Variants in ABCC8 observed in about 807,000 individuals in gnomAD.
The protein encoded by ABCC8 is ATP-binding cassette sub-family C member 8.
In ABCC8, 137 loss-of-function variants were observed where a neutral mutation model predicts 188.0. That is an observed-to-expected ratio of 0.73 (90% CI 0.63 to 0.84). The LOEUF (loss-of-function observed/expected upper bound fraction) is 0.84, where lower values mean the gene tolerates loss of function less well. ABCC8 is among the 40% of genes least tolerant of loss of function. The probability of loss-of-function intolerance (pLI) is 0.00; values close to 1 mark genes in which losing one functional copy is unlikely to be tolerated. For missense variants in ABCC8, 1,750 were observed against 2,072.7 expected, an observed-to-expected ratio of 0.84 and a Z score of 3.02; for synonymous variants, 797 against 846.5, an observed-to-expected ratio of 0.94 and a Z score of 1.01.
At position 17,435,341 on chromosome 11, in the gene ABCC8, G is replaced by A. The variant is rs76948244; in HGVS notation, c.1631-3097C>T. 0.016 allele frequency among the ~76,000 whole-genome samples: 2,438 copies of A among 152,220 alleles called. 204 individuals carry two copies. In the East Asian group the frequency reaches 0.26, roughly 16 times the overall value. ...CCACACAGCTGGCATTGTTTCCACT[G>A]TCTCAGGAAGAAGGAGCCAAAAGCT... On this transcript the variant is annotated intron_variant, in intron 10 of 38. Transcript: ENST00000389817.
chr11:17,392,596 G>T (rs76223722), downstream of ABCC8: 12,624 of 354,628 alleles, frequency 0.036, 1,275 homozygotes, highest in African/African-American at 0.22. Flanking sequence ...CACACAGCCA[G>T]AAGGCAGCCC....
At chr11:17,461,440 C>T (rs773577073) in intron 5 of ABCC8, 143 bp downstream of exon 5, 7 of 1,104,690 alleles carry the variant, frequency 6.3e-6, no homozygotes, top group Non-Finnish European at 8.0e-6. Context: ...CACTGTGTGA[C>T]TTAAGGCAAG....
chr11:17,415,182 G>C (rs1329943322), intron 18 of ABCC8, 122 bp downstream of exon 18: 3 of 1,396,840 alleles, frequency 2.1e-6, no homozygotes, highest in Non-Finnish European at 3.0e-6. Context: ...GCCCTCCCTG[G>C]CCTCCCCCAA....
intron 12 of ABCC8, chr11:17,428,993 T>G: frequency 2.4e-6 from 1 of 422,102 alleles, no homozygotes; most frequent in East Asian, 4.6e-5. Context: ...GGGTTAAGGT[T>G]AGTTAGGACT....
At chr11:17,430,478 T>A (rs111501007) in intron 12 of ABCC8, 14,317 of 380,934 alleles carry the variant, frequency 0.038, 592 homozygotes, top group African/African-American at 0.12. Context: ...TCATTCTTGG[T>A]GGCTCTGGAG....
rs1955687009 is a variant in ABCC8, at chr11:17,428,369, C to T, written c.1960G>A (p.Glu654Lys). 1 of 1,614,160 alleles carries T rather than the reference C, an allele frequency of 6.2e-7. No homozygotes were observed. The highest frequency in any genetic ancestry group is 8.5e-7 in the Non-Finnish European group (1 of 1,180,008). Residue 654 changes from glutamate (E) to lysine (K), a missense_variant, in exon 14 of 39, where the codon GAG (glutamate) becomes AAG (lysine). Glu to Lys is a moderately conservative substitution (Grantham distance 56). Coordinates refer to ENST00000389817, the MANE Select transcript of ABCC8 (RefSeq NM_000352.6). ...GGGCCGGTGAGGCCCCGACAATCCT[C>T]CCGGGCTGGACGCTTGCGGTTCACA... ...RVVNRKRPAR[E>K]DCRGLTGPLQ...
chr11:17,458,872 T>G (rs1321379003), intron 6 of ABCC8, among the ~76,000 whole-genome samples: 2 of 152,226 alleles, frequency 1.3e-5, no homozygotes, highest in East Asian at 3.8e-4. Context: ...CACTATCTTT[T>G]CCCACAATTC....
chr11:17,476,777 G>T lies in ABCC8; in HGVS notation c.-1C>A. 1 of 1,553,236 alleles carries T rather than the reference G, an allele frequency of 6.4e-7. No homozygotes were observed. Among genetic ancestry groups the T allele is most frequent in the Non-Finnish European group, 8.7e-7 (1 of 1,149,722 alleles). On this transcript the variant is annotated 5_prime_UTR_variant, in exon 1 of 39. Coordinates refer to ENST00000389817, the MANE Select transcript of ABCC8 (RefSeq NM_000352.6). ...CGCTGCCGCAGAAGGCCAGGGGCAT[G>T]GCGGCGCGGGCGCGGGCTGGGCTCG... is the stretch of plus-strand genomic sequence containing the variant.
At chr11:17,394,873 G>T (rs199655951) in intron 36 of ABCC8, among the ~76,000 whole-genome samples, 112 of 152,192 alleles carry the variant, frequency 7.4e-4, no homozygotes, top group Non-Finnish European at 1.3e-3. Context: ...GATGGGGCAG[G>T]GCAGGGCTGA....
At chr11:17,405,737 CAAAG>C in intron 26 of ABCC8, 174 bp from the exon 27 acceptor site, 2 of 821,902 alleles carry the variant, frequency 2.4e-6, no homozygotes, top group Non-Finnish European at 2.9e-6. Flanking sequence ...TGCAGCTGCC[CAAAG>C]GGGCGCTGGC....
chr11:17,463,338 T>G, intron 4 of ABCC8, 100 bp downstream of exon 4: 1 of 1,041,420 alleles, frequency 9.6e-7, no homozygotes, highest in Non-Finnish European at 1.4e-6. Flanking sequence ...TGATCCCTTC[T>G]CAGTTTGGCT....
chr11:17,404,012 G>T lies in ABCC8; in HGVS notation c.3557+500C>A, dbSNP rs1258395460. Among the ~76,000 whole-genome samples, 1 of 152,184 alleles carries T rather than the reference G, an allele frequency of 6.6e-6. No homozygotes were observed. Among genetic ancestry groups the T allele is most frequent in the African/African-American group, 2.4e-5 (1 of 41,424 alleles). The stretch of plus-strand genomic sequence containing the variant: ...TTTTGAGGAGGAAAGAGGCGTGCAT[G>T]GATCCAAAGCTCATGAGGGCAAATG... On this transcript the variant is annotated intron_variant, in intron 28 of 38. Coordinates refer to ENST00000389817, the MANE Select transcript of ABCC8 (RefSeq NM_000352.6). This position sits in a 1 kb window ranked among gnomAD's most constrained non-coding sequence, Gnocchi z 4.7.
At chr11:17,440,256 G>T (rs1383884528) in intron 10 of ABCC8, among the ~76,000 whole-genome samples, 1 of 152,132 alleles carries the variant, frequency 6.6e-6, no homozygotes, top group Non-Finnish European at 1.5e-5. Flanking sequence ...CCCGGCTATC[G>T]GGAGAAGCCC....
At position 17,397,063 on chromosome 11, in the gene ABCC8, G is replaced by A; in HGVS notation, c.3989-17C>T. The A allele has an allele frequency of 6.2e-7, 1 of 1,614,104 alleles. No homozygotes were observed. Among genetic ancestry groups the A allele is most frequent in the African/African-American group, 1.3e-5 (1 of 75,040 alleles). On this transcript the variant is annotated splice_polypyrimidine_tract_variant and intron_variant, in intron 32 of 38. Transcript: ENST00000389817. The stretch of plus-strand genomic sequence containing the variant: ...GCGATGGTGCTGGGGGCCGGGCTGG[G>A]CTCAGCCACCAGGCATGGGCCACAG...
chr11:17,470,552 C>G (rs1416030993), intron 2 of ABCC8, among the ~76,000 whole-genome samples: 1 of 152,196 alleles, frequency 6.6e-6, no homozygotes, highest in Non-Finnish European at 1.5e-5. Context: ...TAAGTCAGCA[C>G]TGGCGCCCTC....
chr11:17,431,766 A>G (rs1263923618), intron 11 of ABCC8, among the ~76,000 whole-genome samples: 1 of 152,266 alleles, frequency 6.6e-6, no homozygotes, highest in Non-Finnish European at 1.5e-5. Context: ...CATGCATAGC[A>G]CATTCCTATT....
intron 10 of ABCC8, chr11:17,435,953 C>T: frequency 6.3e-7 from 1 of 1,579,846 alleles, no homozygotes; most frequent in South Asian, 1.1e-5. Context: ...GCACTCAAAG[C>T]AATACCAGTG....
intron 10 of ABCC8, among the ~76,000 whole-genome samples, chr11:17,435,007 G>GTGTGTGTGTGTGTA (rs1956020216): frequency 1.3e-5 from 2 of 151,976 alleles, no homozygotes; most frequent in Non-Finnish European, 2.9e-5. Flanking sequence ...GTGTGTGTGT[G>GTGTGTGTGTGTGTA]TGTGTGTGTG....
chr11:17,409,385 G>T (rs900962458), intron 22 of ABCC8, among the ~76,000 whole-genome samples: 3 of 152,248 alleles, frequency 2.0e-5, no homozygotes, highest in East Asian at 1.9e-4. Flanking sequence ...CGAGAGTCCT[G>T]ATCACTGATT....
Sources: allele counts gnomAD v4.1 joint callset (sites outside exome capture counted in the v4.1 genomes callset), GRCh38; gene constraint gnomAD v4.1.1; non-coding constraint Gnocchi (gnomAD v3.1); transcripts MANE v1.5; gene names NCBI Gene and HGNC (gene_info 2026-07-23, HGNC 2026-07-21).